The following RBFOX1 variants were observed in gnomAD, a reference collection of about 807,000 sequenced individuals.
The protein encoded by RBFOX1 is RNA binding protein fox-1 homolog 1.
RBFOX1 carries 8 observed loss-of-function variants against 57.7 expected under a neutral mutation model. The ratio of observed to expected loss-of-function variants is 0.14; its 90% CI spans 0.08 to 0.25. The LOEUF is 0.25. RBFOX1 is among the 10% of genes least tolerant of loss of function. The pLI is 1.00. For missense variants in RBFOX1, 611 were observed against 548.5 expected, an observed-to-expected ratio of 1.11 and a Z score of -1.14; for synonymous variants, 326 against 222.4, an observed-to-expected ratio of 1.47 and a Z score of -4.15.
At chr16:6,543,111 T>C (rs1459317663) in intron 2 of RBFOX1, among the ~76,000 whole-genome samples, 1 of 152,220 alleles carries the variant, frequency 6.6e-6, no homozygotes, top group East Asian at 1.9e-4. Context: ...GCTCCGTGTT[T>C]AGCAGATAAG....
At chr16:6,886,047 G>A (rs964521333) in intron 3 of RBFOX1, among the ~76,000 whole-genome samples, 1 of 150,772 alleles carries the variant, frequency 6.6e-6, no homozygotes, top group African/African-American at 2.4e-5. Context: ...TGACTGTCCA[G>A]TGAAAGTATT....
intron 4 of RBFOX1, among the ~76,000 whole-genome samples, chr16:7,124,513 T>A: frequency 4.2e-5 from 1 of 23,582 alleles, no homozygotes; most frequent in African/African-American, 1.5e-4. Flanking sequence ...CCCCCTCCCC[T>A]CCCCTCCCCT....
chr16:7,624,171 G>A (rs1480729069), intron 10 of RBFOX1, among the ~76,000 whole-genome samples: 1 of 152,120 alleles, frequency 6.6e-6, no homozygotes, highest in Non-Finnish European at 1.5e-5. Context: ...ACTATGGAGG[G>A]ACAAATGCAA....
exon 3 of RBFOX1, chr16:5,599,139 TCAC>T: frequency 2.8e-6 from 2 of 721,806 alleles, no homozygotes; most frequent in Non-Finnish European, 5.0e-6. Context: ...ACAATTTCTA[TCAC>T]TTGGGCCGTA....
At chr16:7,080,773 T>C (rs986042356) in intron 4 of RBFOX1, among the ~76,000 whole-genome samples, 1 of 152,190 alleles carries the variant, frequency 6.6e-6, no homozygotes, top group Admixed American at 6.5e-5. Context: ...CAAGGTATCA[T>C]CATCATTCAT....
At chr16:5,659,480 T>G (rs1182786835) in intron 3 of RBFOX1, among the ~76,000 whole-genome samples, 1 of 152,012 alleles carries the variant, frequency 6.6e-6, no homozygotes, top group African/African-American at 2.4e-5. Flanking sequence ...ATTTTTTGTA[T>G]TGTTAGTAGA....
At chr16:6,529,667 G>T (rs1378823916) in intron 2 of RBFOX1, among the ~76,000 whole-genome samples, 1 of 151,890 alleles carries the variant, frequency 6.6e-6, no homozygotes, top group African/African-American at 2.4e-5. Flanking sequence ...GATACTACAG[G>T]TATATTGAAA....
At chr16:7,333,767 CT>C (rs59403451) in intron 4 of RBFOX1, among the ~76,000 whole-genome samples, 60,718 of 151,400 alleles carry the variant, frequency 0.4, 15,011 homozygotes, top group African/African-American at 0.71. Context: ...AATTGGGGAC[CT>C]TTTTTTTTCC....
intron 2 of RBFOX1, among the ~76,000 whole-genome samples, chr16:5,518,354 AT>A (rs76890519): frequency 0.35 from 53,210 of 151,698 alleles, 9,519 homozygotes; most frequent in Middle Eastern, 0.4. Context: ...CCAAAGTGAC[AT>A]TTTTTTTGAC....
At chr16:6,267,689 A>G (rs939302473) in intron 1 of RBFOX1, among the ~76,000 whole-genome samples, 10 of 152,214 alleles carry the variant, frequency 6.6e-5, no homozygotes, top group African/African-American at 2.2e-4. Flanking sequence ...AAAACCAACA[A>G]TCAAAACTTC....
At chr16:7,380,438 A>T (rs764590876) in intron 4 of RBFOX1, among the ~76,000 whole-genome samples, 1 of 152,234 alleles carries the variant, frequency 6.6e-6, no homozygotes, top group South Asian at 2.1e-4. Flanking sequence ...ACCACTTAAA[A>T]ATAGTGTACA....
intron 3 of RBFOX1, among the ~76,000 whole-genome samples, chr16:6,807,772 T>A (rs754041324): frequency 9.2e-5 from 14 of 152,000 alleles, no homozygotes; most frequent in Non-Finnish European, 4.4e-5. Flanking sequence ...GCTAAGATTG[T>A]GTCACTGTAC....
At chr16:5,975,576 C>T (rs1320211240) in intron 4 of RBFOX1, among the ~76,000 whole-genome samples, 1 of 152,170 alleles carries the variant, frequency 6.6e-6, no homozygotes, top group Non-Finnish European at 1.5e-5. Flanking sequence ...GTTTGTTTTT[C>T]CTGAACCAGT....
At chr16:5,768,187 C>T (rs2053852844) in intron 3 of RBFOX1, among the ~76,000 whole-genome samples, 1 of 152,146 alleles carries the variant, frequency 6.6e-6, no homozygotes, top group East Asian at 1.9e-4. Flanking sequence ...TAGGATTTAC[C>T]TCCATGCCTA....
chr16:6,915,640 T>C (rs1211910271), intron 3 of RBFOX1, among the ~76,000 whole-genome samples: 1 of 148,556 alleles, frequency 6.7e-6, no homozygotes, highest in African/African-American at 2.5e-5. Context: ...AACCTCTGCC[T>C]CTCGGGTTCA....
intron 4 of RBFOX1, among the ~76,000 whole-genome samples, chr16:5,935,469 G>A (rs572241209): frequency 9.2e-5 from 14 of 152,178 alleles, no homozygotes; most frequent in Non-Finnish European, 1.6e-4. Context: ...AGAGAGGTCT[G>A]GGGCATAGGA....
chr16:5,615,936 A>G (rs1170780607), intron 3 of RBFOX1, among the ~76,000 whole-genome samples: 1 of 152,070 alleles, frequency 6.6e-6, no homozygotes, highest in African/African-American at 2.4e-5. Context: ...TGTTAATGGG[A>G]ACGCTTCTTT....
chr16:5,290,654 C>A (rs921662197), intron 1 of RBFOX1, among the ~76,000 whole-genome samples: 1 of 150,858 alleles, frequency 6.6e-6, no homozygotes, highest in African/African-American at 2.4e-5. Flanking sequence ...TGAGGAACGG[C>A]ATAGTGAAGT....
chr16:7,234,886 G>T lies in RBFOX1; in HGVS notation c.27+182788G>T, dbSNP rs77644266. 9.7e-3 allele frequency among the ~76,000 whole-genome samples: 1,480 copies of T among 152,078 alleles called. 24 individuals carry two copies. The highest frequency in any genetic ancestry group is 0.034 in the African/African-American group (1,392 of 41,472). ...GATAACAATTTTGTATGTCCCATAA[G>T]AATTATTCACAGACATCTCCCAATT... On this transcript the variant is annotated intron_variant, in intron 4 of 15. Transcript: ENST00000550418.
Sources: gnomAD v4.1 joint callset for allele counts (sites outside exome capture counted in the v4.1 genomes callset) on GRCh38, gnomAD v4.1.1 for gene constraint, MANE v1.5 for transcripts, NCBI Gene and HGNC (gene_info 2026-07-23, HGNC 2026-07-21) for gene names.